CHN2: variants seen among roughly 807,000 people sequenced by gnomAD.
CHN2 encodes beta-chimaerin.
Under a neutral mutation model 56.3 loss-of-function variants are expected in CHN2, and 35 were observed. The ratio of observed to expected loss-of-function variants is 0.62; its 90% confidence interval spans 0.47 to 0.82. The LOEUF (loss-of-function observed/expected upper bound fraction) is 0.82, where lower values mean the gene tolerates loss of function less well. Ranked by LOEUF, CHN2 falls within the 40% of genes least tolerant of loss-of-function variation. The pLI, the probability that CHN2 is intolerant of heterozygous loss-of-function variation, is 0.00. For missense variants in CHN2, 491 were observed against 580.5 expected (o/e 0.85, Z 1.58); for synonymous variants, 210 against 212.8 (o/e 0.99, Z 0.12).
intron 6 of CHN2, among the ~76,000 whole-genome samples, chr7:29,419,237 C>G (rs1804082750): frequency 6.6e-6 from 1 of 152,216 alleles, no homozygotes; most frequent in Middle Eastern, 3.4e-3. Context: ...GAATCTACTA[C>G]CAGATTAAAA....
intron 6 of CHN2, among the ~76,000 whole-genome samples, chr7:29,422,149 T>A (rs1205695969): frequency 1.3e-5 from 2 of 152,238 alleles, no homozygotes; most frequent in Non-Finnish European, 2.9e-5. Flanking sequence ...AGGATTTTTT[T>A]AATGACTTTC....
chr7:29,289,822 A>G (rs1374967776), intron 1 of CHN2, among the ~76,000 whole-genome samples: 2 of 152,212 alleles, frequency 1.3e-5, no homozygotes, highest in Non-Finnish European at 2.9e-5. Flanking sequence ...TTGACTTTAA[A>G]TGTTACCAAA....
intron 1 of CHN2, among the ~76,000 whole-genome samples, chr7:29,259,326 C>A (rs200042384): frequency 2.2e-4 from 33 of 147,110 alleles, no homozygotes; most frequent in South Asian, 4.3e-4. Context: ...GACCTTGTCT[C>A]AAAAAAAAAA....
At chr7:29,328,868 C>T (rs13239988) in intron 1 of CHN2, among the ~76,000 whole-genome samples, 6 of 152,010 alleles carry the variant, frequency 3.9e-5, no homozygotes, top group African/African-American at 1.4e-4. Context: ...ATTCCACCAT[C>T]TGTTGATGAA....
At chr7:29,235,905 A>T (rs1416528310) in intron 1 of CHN2, among the ~76,000 whole-genome samples, 1 of 152,164 alleles carries the variant, frequency 6.6e-6, no homozygotes, top group Non-Finnish European at 1.5e-5. Context: ...TGGGAGGAGG[A>T]TGAGGATTCA....
chr7:29,408,016 C>T (rs1802821354), intron 6 of CHN2, among the ~76,000 whole-genome samples: 1 of 151,756 alleles, frequency 6.6e-6, no homozygotes, highest in African/African-American at 2.4e-5. Flanking sequence ...GGTGAAACCC[C>T]ATCTCTACTA....
chr7:29,512,691 C>G lies in CHN2; in HGVS notation c.1363C>G (p.Leu455Val), dbSNP rs774171830. The G allele has an allele frequency of 6.2e-7, 1 of 1,614,196 alleles. No homozygotes were observed. Among genetic ancestry groups the G allele is most frequent in the Non-Finnish European group, 8.5e-7 (1 of 1,180,026 alleles). Residue 455 changes from leucine (L) to valine (V), a missense_variant, in exon 13 of 13, where the codon CTG (leucine) becomes GTG (valine). Leu to Val is a conservative substitution (Grantham distance 32, BLOSUM62 1). Coordinates refer to ENST00000222792, the MANE Select transcript of CHN2 (RefSeq NM_004067.4). ...TTLHDMRYQK[L>V]IVQILIENED... ...CCTGCATGATATGCGGTACCAAAAGCTGATTGTGCAGATTTTAATAGAAAA... is the reference window on the plus strand; with the variant it reads ...CCTGCATGATATGCGGTACCAAAAGGTGATTGTGCAGATTTTAATAGAAAA...
At position 29,484,702 on chromosome 7, in the gene CHN2, G is replaced by A. The variant is rs150252866; in HGVS notation, c.654+4346G>A. 3.5e-3 allele frequency among the ~76,000 whole-genome samples: 534 copies of A among 152,220 alleles called. 4 individuals are homozygous for A. The highest frequency in any genetic ancestry group is 2.7e-3 in the Non-Finnish European group (182 of 68,026). ...TAAGGTCATATGCACAGTGACCCAGGGTTAGGAGTGAAGCACACCTTTCGG... is the reference window on the plus strand; with the variant it reads ...TAAGGTCATATGCACAGTGACCCAGAGTTAGGAGTGAAGCACACCTTTCGG... On this transcript the variant is annotated intron_variant, in intron 7 of 12. Coordinates refer to ENST00000222792, the MANE Select transcript of CHN2 (RefSeq NM_004067.4).
chr7:29,164,555 C>T (rs953560258), intron 2 of CHN2, among the ~76,000 whole-genome samples: 1 of 151,740 alleles, frequency 6.6e-6, no homozygotes, highest in Admixed American at 6.6e-5. Context: ...GGGGCTGAGG[C>T]GGGCAGATCA....
At chr7:29,397,968 T>C (rs1562575007) in intron 4 of CHN2, 1 of 154,766 alleles carries the variant, frequency 6.5e-6, no homozygotes, top group Non-Finnish European at 1.4e-5. Flanking sequence ...AATCAATAAA[T>C]GTCCACTTGC....
chr7:29,473,398 A>G (rs773763329), intron 6 of CHN2, among the ~76,000 whole-genome samples: 2 of 150,968 alleles, frequency 1.3e-5, no homozygotes, highest in Non-Finnish European at 2.9e-5. Context: ...CCCAGCCCCC[A>G]TCTCCAGAAA....
At chr7:29,202,050 G>A (rs1041254107) in intron 1 of CHN2, among the ~76,000 whole-genome samples, 2 of 152,102 alleles carry the variant, frequency 1.3e-5, no homozygotes, top group Non-Finnish European at 2.9e-5. Flanking sequence ...TTTCCCTAAT[G>A]GCAACTCAAT....
intron 6 of CHN2, chr7:29,479,681 C>G: frequency 9.6e-7 from 1 of 1,042,028 alleles, no homozygotes; most frequent in South Asian, 3.7e-5. Flanking sequence ...AGACTTTGAA[C>G]GTCAGAGCTG....
At chr7:29,308,348 C>T (rs1271877986) in intron 1 of CHN2, among the ~76,000 whole-genome samples, 6 of 152,204 alleles carry the variant, frequency 3.9e-5, no homozygotes, top group Admixed American at 1.3e-4. Context: ...CTTAGCTTAA[C>T]CCTTCCTCCT....
At chr7:29,401,603 GTTTCACTGACAGATATGGGAGCA>G (rs1460063916) in intron 6 of CHN2, among the ~76,000 whole-genome samples, 2 of 152,112 alleles carry the variant, frequency 1.3e-5, no homozygotes. Flanking sequence ...TAGATAACAG[GTTTCACTGACAGATATGGGAGCA>G]TTTCACTGAC....
chr7:29,429,630 G>A (rs1805215118), intron 6 of CHN2, among the ~76,000 whole-genome samples: 2 of 151,740 alleles, frequency 1.3e-5, no homozygotes, highest in Admixed American at 1.3e-4. Context: ...TGGAATATGT[G>A]TTCAAGGTTC....
intron 9 of CHN2, 82 bp downstream of exon 9, chr7:29,500,122 T>A: frequency 9.0e-7 from 1 of 1,116,440 alleles, no homozygotes; most frequent in Non-Finnish European, 1.2e-6. Context: ...GAAACAGAGT[T>A]GCTCTACTAC....
intron 1 of CHN2, among the ~76,000 whole-genome samples, chr7:29,235,020 C>T (rs1787076848): frequency 6.6e-6 from 1 of 152,098 alleles, no homozygotes; most frequent in Non-Finnish European, 1.5e-5. Flanking sequence ...CAACTTAGTT[C>T]CAGGCATGGT....
chr7:29,411,134 C>T (rs1482839608), intron 6 of CHN2, among the ~76,000 whole-genome samples: 5 of 152,146 alleles, frequency 3.3e-5, no homozygotes, highest in Non-Finnish European at 7.3e-5. Context: ...TCAACACAAG[C>T]CTAGGGCCTG....
Sources: gnomAD v4.1 joint callset for allele counts (sites outside exome capture counted in the v4.1 genomes callset) on GRCh38, gnomAD v4.1.1 for gene constraint, MANE v1.5 for transcripts, NCBI Gene and HGNC (gene_info 2026-07-23, HGNC 2026-07-21) for gene names.